The following NFIB variants were observed in gnomAD, a reference collection of about 807,000 sequenced individuals.
NFIB encodes the protein nuclear factor I B.
A neutral mutation model predicts 61.5 loss-of-function variants in NFIB; 11 were observed. That is an observed-to-expected ratio of 0.18 (90% CI 0.11 to 0.30). NFIB has a LOEUF of 0.30. Ranked by LOEUF, NFIB falls within the 10% of genes least tolerant of loss-of-function variation. The pLI is 1.00. For synonymous variants in NFIB, 260 were observed against 216.5 expected (o/e 1.20, Z -1.76); for missense variants, 471 against 608.9 (o/e 0.77, Z 2.38).
At chr9:14,306,373 G>A (rs531662286) in intron 2 of NFIB, among the ~76,000 whole-genome samples, 43 of 152,116 alleles carry the variant, frequency 2.8e-4, no homozygotes, top group African/African-American at 9.9e-4. Context: ...CCATTTAATC[G>A]ACAGTGAATA....
intron 1 of NFIB, among the ~76,000 whole-genome samples, chr9:14,341,672 GA>G (rs1187669304): frequency 6.6e-6 from 1 of 152,114 alleles, no homozygotes; most frequent in East Asian, 1.9e-4. Context: ...AAGACCCATG[GA>G]AAAAGGAAGT....
intron 1 of NFIB, chr9:14,347,337 G>C (rs1393914183): frequency 6.6e-6 from 1 of 152,254 alleles, no homozygotes; most frequent in Non-Finnish European, 1.5e-5. Flanking sequence ...CTCCACCACC[G>C]CGCGCTCCCA....
At chr9:14,466,042 T>C in the NFIB span, among the ~76,000 whole-genome samples, 4 of 152,050 alleles carry the variant, frequency 2.6e-5, no homozygotes. Context: ...ACCAGCTGTA[T>C]TTGTCTCACT....
chr9:14,111,015 T>G (rs2037272971), intron 10 of NFIB, among the ~76,000 whole-genome samples: 2 of 152,152 alleles, frequency 1.3e-5, no homozygotes, highest in Non-Finnish European at 2.9e-5. Context: ...ATATCATGTA[T>G]CCCATAAGTA....
At chr9:14,402,183 G>A (rs1217386473), upstream of NFIB, among the ~76,000 whole-genome samples, 2 of 152,060 alleles carry the variant, frequency 1.3e-5, no homozygotes, top group African/African-American at 4.8e-5. Context: ...AAAATCATCC[G>A]GCTTAGATGA....
At chr9:14,348,727 C>T (rs947627177) in intron 1 of NFIB, among the ~76,000 whole-genome samples, 2 of 152,232 alleles carry the variant, frequency 1.3e-5, no homozygotes, top group Non-Finnish European at 2.9e-5. Context: ...AGCGGACAGT[C>T]AGCTGCATGT....
chr9:14,142,442 CT>C (rs2041844405), intron 6 of NFIB, among the ~76,000 whole-genome samples: 1 of 152,216 alleles, frequency 6.6e-6, no homozygotes, highest in South Asian at 2.1e-4. Context: ...TCAAGTAGGT[CT>C]TTATCAGCAG....
At chr9:14,166,381 G>A (rs1563854920) in intron 3 of NFIB, among the ~76,000 whole-genome samples, 3 of 152,098 alleles carry the variant, frequency 2.0e-5, no homozygotes, top group African/African-American at 7.2e-5. Context: ...GAAACTCCTT[G>A]AGTGAAAAAC....
chr9:14,375,383 T>C (rs1010614908), intron 1 of NFIB, among the ~76,000 whole-genome samples: 14 of 152,258 alleles, frequency 9.2e-5, no homozygotes, highest in Middle Eastern at 3.4e-3. Context: ...CAGGGCCAGG[T>C]GCAGTGGCTC....
intron 2 of NFIB, among the ~76,000 whole-genome samples, chr9:14,227,646 A>G (rs1464035455): frequency 6.6e-6 from 1 of 152,202 alleles, no homozygotes; most frequent in Non-Finnish European, 1.5e-5. Context: ...TGTTGATGAT[A>G]ATAACCACCC....
At chr9:14,466,152 C>T in the NFIB span, among the ~76,000 whole-genome samples, 1 of 152,114 alleles carries the variant, frequency 6.6e-6, no homozygotes, top group Non-Finnish European at 1.5e-5. Context: ...TCTCAGCCAG[C>T]CTTTATGAAG....
At chr9:14,495,936 T>A in the NFIB span, among the ~76,000 whole-genome samples, 1 of 152,222 alleles carries the variant, frequency 6.6e-6, no homozygotes, top group Non-Finnish European at 1.5e-5. Flanking sequence ...ATCTTCCAAT[T>A]ACTTAGTAAC....
At chr9:14,348,592 C>T (rs1190692861) in intron 1 of NFIB, among the ~76,000 whole-genome samples, 2 of 152,226 alleles carry the variant, frequency 1.3e-5, no homozygotes, top group Non-Finnish European at 1.5e-5. Context: ...CAGGCCAGCG[C>T]CCGGGTGAAA....
At chr9:14,417,188 G>C in the NFIB span, among the ~76,000 whole-genome samples, 1 of 152,036 alleles carries the variant, frequency 6.6e-6, no homozygotes, top group South Asian at 2.1e-4. Context: ...ACCACACCCG[G>C]CCTTAAATCT....
the NFIB span, among the ~76,000 whole-genome samples, chr9:14,412,757 G>T: frequency 6.6e-6 from 1 of 152,194 alleles, no homozygotes; most frequent in African/African-American, 2.4e-5. Flanking sequence ...AGCGCTCAGG[G>T]CATGGGATAC....
chr9:14,186,994 ATTCTTCGCTCCTGTGTGTGTG>A (rs2047402438), intron 2 of NFIB, among the ~76,000 whole-genome samples: 1 of 134,356 alleles, frequency 7.4e-6, no homozygotes. Context: ...TCCCTCCTTC[ATTCTTCGCTCCTGTGTGTGTG>A]TGTGTGTGTG....
the NFIB span, among the ~76,000 whole-genome samples, chr9:14,453,632 A>G: frequency 4.9e-3 from 748 of 152,350 alleles, 6 homozygotes; most frequent in African/African-American, 0.017. Context: ...TTAGTAAATC[A>G]TTGAGAGTAA....
chr9:14,280,446 T>C (rs1170144244), intron 2 of NFIB, among the ~76,000 whole-genome samples: 3 of 152,164 alleles, frequency 2.0e-5, no homozygotes, highest in African/African-American at 7.2e-5. Flanking sequence ...GGAGGACCTA[T>C]CCTAATCATT....
the NFIB span, among the ~76,000 whole-genome samples, chr9:14,427,955 T>TTTTTG: frequency 2.5e-5 from 3 of 120,020 alleles, no homozygotes; most frequent in East Asian, 2.5e-4. Flanking sequence ...TTTTTTTTTT[T>TTTTTG]TTTTTTTTTG....
Sources: gnomAD v4.1 joint callset for allele counts (sites outside exome capture counted in the v4.1 genomes callset) on GRCh38, gnomAD v4.1.1 for gene constraint, MANE v1.5 for transcripts, NCBI Gene and HGNC (gene_info 2026-07-23, HGNC 2026-07-21) for gene names.